Variants in CCAR1 observed in about 807,000 individuals in gnomAD.
CCAR1 encodes the protein cell division cycle and apoptosis regulator 1, also known as cell division cycle and apoptosis regulator protein 1.
CCAR1 carries 78 observed loss-of-function variants against 163.8 expected under a neutral mutation model. The observed-to-expected ratio is 0.48, with a 90% CI of 0.40 to 0.57. CCAR1 has a LOEUF of 0.57. Among genes scored for constraint, CCAR1 ranks in the 20% least tolerant of loss-of-function variants. The pLI, the probability that CCAR1 is intolerant of heterozygous loss-of-function variation, is 0.00. For synonymous variants in CCAR1, 443 were observed against 460.7 expected, an observed-to-expected ratio of 0.96 and a Z score of 0.49; for missense variants, 1,019 against 1,365.2, an observed-to-expected ratio of 0.75 and a Z score of 4.00.
chr10:68,784,272 G>A (rs926798114), intron 19 of CCAR1, among the ~76,000 whole-genome samples: 8 of 152,026 alleles, frequency 5.3e-5, no homozygotes, highest in African/African-American at 1.9e-4. Context: ...ATGGAGTGCA[G>A]TGCCGTGATC....
Position 68,786,700 on chromosome 10 carries a change from A to G in CCAR1, c.2880+8A>G, listed in dbSNP as rs1207265311. 3.8e-6 allele frequency: 6 copies of G among 1,577,758 alleles called. No homozygotes were observed. Among genetic ancestry groups the G allele is most frequent in the African/African-American group, 1.4e-5 (1 of 72,672 alleles). On this transcript the variant is annotated splice_region_variant and intron_variant, in intron 21 of 24. Transcript: ENST00000265872. ...CATCTTTCTCGGGCTCAGGTAATCT[A>G]TCTTGTGAATATTTAAAAGGAAAAC...
chr10:68,757,571 A>G (rs2056410980), intron 15 of CCAR1, among the ~76,000 whole-genome samples, 194 bp downstream of exon 15: 1 of 151,744 alleles, frequency 6.6e-6, no homozygotes, highest in African/African-American at 2.4e-5. Context: ...CCCTGCCACC[A>G]CGCCTGGCTA....
At chr10:68,725,368 A>G (rs757565008) in intron 2 of CCAR1, among the ~76,000 whole-genome samples, 4 of 151,658 alleles carry the variant, frequency 2.6e-5, no homozygotes, top group African/African-American at 4.8e-5. Context: ...ACTGTACTCC[A>G]GCCTGAGCAG....
intron 18 of CCAR1, 132 bp from the exon 19 acceptor site, chr10:68,772,856 A>T (rs2056620114): frequency 2.5e-6 from 1 of 395,088 alleles, no homozygotes; most frequent in African/African-American, 2.1e-5. Context: ...CACGCCTATA[A>T]TCCTAGCCCT....
intron 10 of CCAR1, among the ~76,000 whole-genome samples, chr10:68,751,636 A>G (rs1174981307): frequency 6.6e-6 from 1 of 151,662 alleles, no homozygotes; most frequent in Non-Finnish European, 1.5e-5. Flanking sequence ...GCTGAGGCGG[A>G]CAGATCACTT....
chr10:68,754,680 C>A (rs534166981), intron 11 of CCAR1, 34 bp from the exon 12 acceptor site: 19 of 1,130,016 alleles, frequency 1.7e-5, no homozygotes, highest in South Asian at 1.1e-4. Flanking sequence ...TTACTTTAGA[C>A]TTTTGACAGG....
intron 2 of CCAR1, among the ~76,000 whole-genome samples, chr10:68,732,774 G>A (rs187666698): frequency 5.9e-5 from 9 of 152,184 alleles, no homozygotes; most frequent in Non-Finnish European, 1.0e-4. Context: ...TAGAACCTAT[G>A]CCCTATCCAG....
chr10:68,755,041 A>T, intron 12 of CCAR1: 1 of 590,724 alleles, frequency 1.7e-6, no homozygotes. Flanking sequence ...AGTCATTTTG[A>T]TGTTTTATAT....
chr10:68,745,129 C>T (rs2056235359), intron 6 of CCAR1, among the ~76,000 whole-genome samples: 1 of 152,038 alleles, frequency 6.6e-6, no homozygotes, highest in Non-Finnish European at 1.5e-5. Context: ...CCTCAGTCTC[C>T]CAAGTAGCTG....
intron 2 of CCAR1, among the ~76,000 whole-genome samples, chr10:68,729,702 TA>T (rs3998848): frequency 0.67 from 97,319 of 144,682 alleles, 32,354 homozygotes; most frequent in Non-Finnish European, 0.7. Context: ...AACTCCGTCT[TA>T]AAAAAAAAAA....
In CCAR1 at chr10:68,756,595, T is replaced by A; in HGVS notation, c.1836+112T>A. ...AACACACATGGAGGAACATAACTGG[T>A]AACAGCGACTGGTAATCCAGCTTTC... On this transcript the variant is annotated intron_variant, in intron 14 of 24. Coordinates refer to ENST00000265872, the MANE Select transcript of CCAR1 (RefSeq NM_018237.4). The surrounding 1 kb of genome is among the most constrained non-coding windows in gnomAD (Gnocchi z 5.1). The A allele has an allele frequency of 1.2e-6, 1 of 841,232 alleles. No homozygotes were observed. Among genetic ancestry groups the A allele is most frequent in the Non-Finnish European group, 2.0e-6 (1 of 505,288 alleles). The allele number at this position is 841,232 out of a possible 1,614,324, so 52.1% of individuals were successfully genotyped here. A position where few individuals can be genotyped will look rare whatever the true frequency, so the allele number is the denominator to read the frequency against.
intron 13 of CCAR1, among the ~76,000 whole-genome samples, chr10:68,755,971 A>T (rs2056393329): frequency 6.6e-6 from 1 of 152,142 alleles, no homozygotes; most frequent in Admixed American, 6.6e-5. Flanking sequence ...TAATTTGAGA[A>T]TATTCTTTTT....
At chr10:68,753,720 C>G in intron 10 of CCAR1, 132 bp from the exon 11 acceptor site, 2 of 656,494 alleles carry the variant, frequency 3.0e-6, no homozygotes, top group South Asian at 3.8e-5. Flanking sequence ...AAATCTATAG[C>G]TCATTAGTAA....
intron 2 of CCAR1, among the ~76,000 whole-genome samples, chr10:68,734,694 C>G (rs1460601369): frequency 1.3e-5 from 2 of 152,034 alleles, no homozygotes; most frequent in Non-Finnish European, 2.9e-5. Context: ...GCATTTAATT[C>G]CTGCGTTTAA....
chr10:68,779,952 G>T (rs544555810), intron 19 of CCAR1, among the ~76,000 whole-genome samples: 1 of 152,244 alleles, frequency 6.6e-6, no homozygotes. Context: ...GTTGATAAGT[G>T]TGTATATATG....
intron 15 of CCAR1, 66 bp from the exon 16 acceptor site, chr10:68,760,941 A>G (rs1589174564): frequency 1.9e-6 from 1 of 531,124 alleles, no homozygotes; most frequent in East Asian, 3.9e-5. Flanking sequence ...TCCTATTTCA[A>G]TATCCGCTGC....
At chr10:68,778,155 G>T (rs923198346) in intron 19 of CCAR1, among the ~76,000 whole-genome samples, 4 of 152,168 alleles carry the variant, frequency 2.6e-5, no homozygotes, top group African/African-American at 7.2e-5. Context: ...GGCAGAGGTT[G>T]CAGTGAGCCG....
intron 19 of CCAR1, among the ~76,000 whole-genome samples, chr10:68,779,478 C>T (rs1589190487): frequency 1.3e-5 from 2 of 151,372 alleles, no homozygotes; most frequent in South Asian, 2.1e-4. Context: ...AGGCTGGTCT[C>T]GAACTCCCGA....
At chr10:68,787,722 C>T (rs2056811225) in intron 21 of CCAR1, 1 of 415,876 alleles carries the variant, frequency 2.4e-6, no homozygotes, top group African/African-American at 2.1e-5. Flanking sequence ...GTAATACCAG[C>T]TACTCTGGAG....
Sources: allele counts gnomAD v4.1 joint callset (sites outside exome capture counted in the v4.1 genomes callset), GRCh38; gene constraint gnomAD v4.1.1; non-coding constraint Gnocchi (gnomAD v3.1); transcripts MANE v1.5; gene names NCBI Gene and HGNC (gene_info 2026-07-23, HGNC 2026-07-21).